ASS1: variants seen among roughly 807,000 people sequenced by gnomAD.
ASS1 encodes argininosuccinate synthase.
In ASS1, 58 loss-of-function variants were observed where a neutral mutation model predicts 60.5. The observed-to-expected ratio is 0.96, with a 90% CI of 0.78 to 1.19. The LOEUF is 1.19. ASS1 is among the 50% of genes most tolerant of loss of function. The pLI, the probability that ASS1 is intolerant of heterozygous loss-of-function variation, is 0.00. For missense variants in ASS1, 454 were observed against 547.3 expected (o/e 0.83, Z 1.70); for synonymous variants, 200 against 206.9 (o/e 0.97, Z 0.29).
intron 1 of ASS1, among the ~76,000 whole-genome samples, chr9:130,446,134 C>T (rs1015743783): frequency 7.2e-5 from 11 of 152,190 alleles, no homozygotes; most frequent in African/African-American, 2.4e-4. Flanking sequence ...ATTACAGGCT[C>T]GAGCCACCCA....
chr9:130,463,970 A>T (rs1190147595), intron 4 of ASS1, 141 bp from the exon 5 acceptor site: 1 of 850,832 alleles, frequency 1.2e-6, no homozygotes, highest in East Asian at 2.6e-5. Context: ...CACATACACG[A>T]CCTACACTGC....
rs556487021 is a variant in ASS1, at chr9:130,452,144, G to A, written c.-5-80G>A. 57 of 1,249,146 alleles carry A rather than the reference G, an allele frequency of 4.6e-5. No homozygotes were observed. In the East Asian group the frequency reaches 1.2e-3, roughly 26 times the overall value. The allele number at this position is 1,249,146 out of a possible 1,614,324, so 77.4% of individuals were successfully genotyped here. A position where few individuals can be genotyped will look rare whatever the true frequency, so the allele number is the denominator to read the frequency against. On this transcript the variant is annotated intron_variant, in intron 1 of 14. Transcript: ENST00000352480. Reference sequence around the variant, plus strand: ...GACAAGGCTGTCCAAGGCCAAGGTCGGGGCTGGGCTGTCTGCAGGGGCTGG... The same window carrying A: ...GACAAGGCTGTCCAAGGCCAAGGTCAGGGCTGGGCTGTCTGCAGGGGCTGG...
chr9:130,484,261 C>T (rs976468089), intron 11 of ASS1, among the ~76,000 whole-genome samples: 2 of 152,182 alleles, frequency 1.3e-5, no homozygotes, highest in African/African-American at 4.8e-5. Context: ...CCAGCCCAGG[C>T]CCCAGCTGAG....
At chr9:130,458,345 T>C in intron 3 of ASS1, 56 bp from the exon 4 acceptor site, 1 of 1,608,072 alleles carries the variant, frequency 6.2e-7, no homozygotes, top group East Asian at 2.2e-5. Flanking sequence ...GGGCTCTGTA[T>C]GCCAGATGGC....
chr9:130,483,928 G>A (rs540558691), intron 11 of ASS1, among the ~76,000 whole-genome samples: 1 of 152,016 alleles, frequency 6.6e-6, no homozygotes, highest in African/African-American at 2.4e-5. Context: ...GAAGGAACAA[G>A]GGCTGTCACC....
intron 1 of ASS1, among the ~76,000 whole-genome samples, chr9:130,446,537 C>T (rs1845200742): frequency 1.3e-5 from 2 of 152,218 alleles, no homozygotes; most frequent in South Asian, 4.2e-4. Context: ...TGAATAGTGA[C>T]TCCTGCCTGC....
chr9:130,498,324 C>G (rs1460840878), intron 13 of ASS1, among the ~76,000 whole-genome samples: 1 of 152,188 alleles, frequency 6.6e-6, no homozygotes, highest in Non-Finnish European at 1.5e-5. Context: ...AGACAAGGGT[C>G]TGATTCAGAG....
chr9:130,496,119 A>C (rs1846595408), intron 13 of ASS1, among the ~76,000 whole-genome samples: 1 of 152,080 alleles, frequency 6.6e-6, no homozygotes, highest in African/African-American at 2.4e-5. Flanking sequence ...GAAAGCGTGG[A>C]GTGAGACAAG....
At position 130,454,447 on chromosome 9, in the gene ASS1, C is replaced by T. The variant is rs1055814423; in HGVS notation, c.174+74C>T. 55 of 1,429,806 alleles carry T rather than the reference C, an allele frequency of 3.8e-5. No homozygotes were observed. The Middle Eastern group carries it at 5.2e-4, about 14-fold the overall frequency. The allele number at this position is 1,429,806 out of a possible 1,614,324, so 88.6% of individuals were successfully genotyped here. A position where few individuals can be genotyped will look rare whatever the true frequency, so the allele number is the denominator to read the frequency against. On this transcript the variant is annotated intron_variant, in intron 3 of 14. Coordinates refer to ENST00000352480, the MANE Select transcript of ASS1 (RefSeq NM_054012.4). ...GGAGGGCAGTGGTGGATGCTCCTGCCCCAGGGATCCCATCCCTTCCAGTGT... is the reference window on the plus strand; with the variant it reads ...GGAGGGCAGTGGTGGATGCTCCTGCTCCAGGGATCCCATCCCTTCCAGTGT...
intron 13 of ASS1, 52 bp from the exon 14 acceptor site, chr9:130,499,453 C>G: frequency 1.3e-6 from 2 of 1,584,442 alleles, no homozygotes; most frequent in Non-Finnish European, 1.7e-6. Context: ...GTCCTCCCTT[C>G]AAGCAGAGGC....
intron 8 of ASS1, among the ~76,000 whole-genome samples, chr9:130,473,039 TG>T (rs1845909913): frequency 2.0e-5 from 3 of 152,112 alleles, no homozygotes; most frequent in Admixed American, 2.0e-4. Context: ...TGAGCTACGG[TG>T]GGCAGGTCCT....
intron 11 of ASS1, among the ~76,000 whole-genome samples, chr9:130,480,741 G>T (rs1846150951): frequency 2.0e-5 from 3 of 152,190 alleles, no homozygotes. Context: ...AGGCCTGGAG[G>T]TCAGGCTGTC....
Position 130,464,153 on chromosome 9 carries a change from GC to G in ASS1, c.412del (p.Gln138ArgfsTer2). Reference sequence around the variant, plus strand: ...GTTTGAGCTCAGCTGCTACTCACTGGCCCCCCAGATAAAGGTAGGATGTGGC... The same window carrying G: ...GTTTGAGCTCAGCTGCTACTCACTGGCCCCCAGATAAAGGTAGGATGTGGC... ...VRFELSCYSL[A>X]PQIKVIAPWR... On this transcript the variant is annotated frameshift_variant, in exon 5 of 15. Coordinates refer to ENST00000352480, the MANE Select transcript of ASS1 (RefSeq NM_054012.4). LOFTEE classifies it high-confidence loss of function. 6.2e-7 allele frequency: 1 copy of G among 1,614,154 alleles called. No homozygotes were observed. The highest frequency in any genetic ancestry group is 8.5e-7 in the Non-Finnish European group (1 of 1,180,006).
intron 13 of ASS1, among the ~76,000 whole-genome samples, chr9:130,498,995 A>G (rs1846671352): frequency 6.6e-6 from 1 of 152,130 alleles, no homozygotes; most frequent in Non-Finnish European, 1.5e-5. Flanking sequence ...AACTGGTTGG[A>G]CACATGAGGG....
At chr9:130,472,947 G>A (rs1417611453) in intron 8 of ASS1, among the ~76,000 whole-genome samples, 1 of 152,196 alleles carries the variant, frequency 6.6e-6, no homozygotes, top group Non-Finnish European at 1.5e-5. Context: ...AGGACCTCAG[G>A]ATTGAGAAAG....
chr9:130,456,540 ATT>A (rs1328731710), intron 3 of ASS1, among the ~76,000 whole-genome samples: 1 of 152,186 alleles, frequency 6.6e-6, no homozygotes, highest in Non-Finnish European at 1.5e-5. Context: ...CTTAGTCCCA[ATT>A]GCTTTCTTTT....
At chr9:130,447,382 G>A (rs962789831) in intron 1 of ASS1, among the ~76,000 whole-genome samples, 12 of 152,276 alleles carry the variant, frequency 7.9e-5, no homozygotes, top group African/African-American at 2.7e-4. Context: ...TGTGAACATA[G>A]TAGCCGCTCT....
rs769018733 is a variant in ASS1, at chr9:130,458,497, A to C, written c.271A>C (p.Thr91Pro). The C allele has an allele frequency of 7.4e-6, 12 of 1,612,732 alleles. No individual in the cohort carries two copies. The South Asian group carries it at 1.3e-4, about 18-fold the overall frequency. ...GTATGAGGACCGCTACCTCCTGGGC[A>C]CCTCTCTTGCCAGGCCCTGCATCGC... The part of the protein sequence containing the change: ...ALYEDRYLLG[T>P]SLARPCIARK... Residue 91 changes from threonine (T) to proline (P), a missense_variant, in exon 4 of 15, where the codon ACC becomes CCC. Transcript: ENST00000352480.
chr9:130,468,420 AT>A (rs1359902979), intron 6 of ASS1, among the ~76,000 whole-genome samples: 11 of 129,548 alleles, frequency 8.5e-5, no homozygotes, highest in South Asian at 2.5e-4. Context: ...TTAAAAAAAA[AT>A]TTTTTTTAGA....
Sources: allele counts gnomAD v4.1 joint callset (sites outside exome capture counted in the v4.1 genomes callset), GRCh38; gene constraint gnomAD v4.1.1; transcripts MANE v1.5; gene names NCBI Gene and HGNC (gene_info 2026-07-23, HGNC 2026-07-21).